TRIM7: variants seen among roughly 807,000 people sequenced by gnomAD.
TRIM7 encodes tripartite motif containing 7.
TRIM7 carries 32 observed loss-of-function variants against 37.9 expected under a neutral mutation model. That is an observed-to-expected ratio of 0.84 (90% CI 0.64 to 1.13). The LOEUF (loss-of-function observed/expected upper bound fraction) is 1.13, where lower values mean the gene tolerates loss of function less well. TRIM7 is among the 50% of genes most tolerant of loss of function. TRIM7 has a pLI of 0.00. For missense variants in TRIM7, 732 were observed against 714.0 expected, an observed-to-expected ratio of 1.03 and a Z score of -0.29; for synonymous variants, 351 against 321.3, an observed-to-expected ratio of 1.09 and a Z score of -0.99.
In TRIM7 at chr5:181,204,812, G is replaced by T. The variant is rs1161183374; in HGVS notation, c.299C>A (p.Ala100Asp). The T allele has an allele frequency of 2.2e-6, 3 of 1,394,276 alleles. No individual in the cohort carries two copies. Among genetic ancestry groups the T allele is most frequent in the Non-Finnish European group, 2.8e-6 (3 of 1,081,202 alleles). The allele number at this position is 1,394,276 out of a possible 1,614,324, so 86.4% of individuals were successfully genotyped here. Reference protein sequence around the residue: ...LRPNRQLAAVATLLRRFSLPA... With the variant: ...LRPNRQLAAVDTLLRRFSLPA... Reference sequence around the variant, plus strand: ...CAGGCTGAAGCGCCGCAGGAGCGTGGCCACTGCCGCCAGCTGCCGGTTGGG... The same window carrying T: ...CAGGCTGAAGCGCCGCAGGAGCGTGTCCACTGCCGCCAGCTGCCGGTTGGG... Residue 100 changes from alanine to aspartate, a missense_variant, in exon 1 of 7, where the codon GCC (alanine) becomes GAC (aspartate). Coordinates refer to ENST00000274773, the MANE Select transcript of TRIM7 (RefSeq NM_203293.3).
At position 181,205,090 on chromosome 5, in the gene TRIM7, C is replaced by T. The variant is rs958799667; in HGVS notation, c.21G>A (p.Arg7=). 3.0e-6 allele frequency: 4 copies of T among 1,347,844 alleles called. No individual in the cohort carries two copies. The African/African-American group carries it at 4.6e-5, about 15-fold the overall frequency. 83.5% of individuals were successfully genotyped at this position (1,347,844 alleles called of 1,614,324 possible). The change falls in exon 1 of 7, where the codon CGG becomes CGA. Residue 7 remains arginine, a synonymous_variant. Transcript: ENST00000274773. Reference sequence around the variant, plus strand: ...CCTCGGCGCCGGTTCCGGGGCCGGTCCGCGGTCCCACAGCCGCCATGCGCG... The same window carrying T: ...CCTCGGCGCCGGTTCCGGGGCCGGTTCGCGGTCCCACAGCCGCCATGCGCG... MAAVGP[R]TGPGTGAEAL...
intron 5 of TRIM7, 70 bp downstream of exon 5, chr5:181,198,620 A>G (rs1250051725): frequency 3.8e-6 from 4 of 1,048,528 alleles, no homozygotes; most frequent in Admixed American, 3.8e-5. Flanking sequence ...ACACCCAGGG[A>G]CCCCTGAGCT....
intron 1 of TRIM7, 62 bp downstream of exon 1, chr5:181,204,527 G>T: frequency 7.7e-7 from 1 of 1,306,488 alleles, no homozygotes; most frequent in Non-Finnish European, 9.7e-7. Flanking sequence ...CCCGTGCGCG[G>T]GAGCGCGGGA....
chr5:181,203,406 A>G (rs1757626565), intron 2 of TRIM7, 139 bp downstream of exon 2: 3 of 1,512,562 alleles, frequency 2.0e-6, no homozygotes, highest in Non-Finnish European at 1.8e-6. Context: ...CACCCTATAT[A>G]ATATGGACTC....
Position 181,195,032 on chromosome 5 carries a change from G to T in TRIM7, c.*134C>A. The T allele has an allele frequency of 8.7e-7, 1 of 1,155,250 alleles. No homozygotes were observed. Among genetic ancestry groups the T allele is most frequent in the Non-Finnish European group, 1.2e-6 (1 of 824,748 alleles). 71.6% of individuals were successfully genotyped at this position (1,155,250 alleles called of 1,614,324 possible). A position where few individuals can be genotyped will look rare whatever the true frequency, so the allele number is the denominator to read the frequency against. On this transcript the variant is annotated 3_prime_UTR_variant, in exon 7 of 7. Coordinates refer to ENST00000274773, the MANE Select transcript of TRIM7 (RefSeq NM_203293.3). ...AGTCACTCTCCTGCCTCGGGGTTGTGTCTGTAGCAGGCTCTCTTGGGCAGC... is the reference window on the plus strand; with the variant it reads ...AGTCACTCTCCTGCCTCGGGGTTGTTTCTGTAGCAGGCTCTCTTGGGCAGC...
Position 181,199,127 on chromosome 5 carries a change from AAGAT to A in TRIM7, c.850-14_850-11del. The A allele has an allele frequency of 6.2e-7, 1 of 1,614,234 alleles. No homozygotes were observed. The highest frequency in any genetic ancestry group is 8.5e-7 in the Non-Finnish European group (1 of 1,180,038). Reference sequence around the variant, plus strand: ...GCGTGCTTTTGAATTCCTGGAAGGAAAGATAGAGGAAACCAAATCAGCATCAGGT... The same window carrying A: ...GCGTGCTTTTGAATTCCTGGAAGGAAAGAGGAAACCAAATCAGCATCAGGT... On this transcript the variant is annotated splice_polypyrimidine_tract_variant and intron_variant, in intron 3 of 6. Transcript: ENST00000274773.
In TRIM7 at chr5:181,205,036, G is replaced by A. The variant is rs936663929; in HGVS notation, c.75C>T (p.Gly25=). 7 of 1,435,042 alleles carry A rather than the reference G, an allele frequency of 4.9e-6. No homozygotes were observed. Among genetic ancestry groups the A allele is most frequent in the Non-Finnish European group, 4.5e-6 (5 of 1,100,944 alleles). 88.9% of individuals were successfully genotyped at this position (1,435,042 alleles called of 1,614,324 possible). ...EALALAAELQ[G]EATCSICLEL... is the part of the protein sequence containing the mutation. ...CTAGGCAGATGGAGCACGTCGCCTC[G>A]CCCTGCAGCTCTGCCGCCAGCGCTA... The change falls in exon 1 of 7, where the codon GGC becomes GGT. Residue 25 remains glycine (G), a synonymous_variant. Transcript: ENST00000274773.
Position 181,194,581 on chromosome 5 carries a change from G to T in TRIM7, c.*585C>A, listed in dbSNP as rs1296600951. 6.6e-6 allele frequency: 1 copy of T among 152,498 alleles called. No individual in the cohort carries two copies. Among genetic ancestry groups the T allele is most frequent in the Non-Finnish European group, 1.5e-5 (1 of 68,268 alleles). 9.4% of individuals were successfully genotyped at this position (152,498 alleles called of 1,614,324 possible). A position where few individuals can be genotyped will look rare whatever the true frequency, so the allele number is the denominator to read the frequency against. ...AGAGCCGTGATGCCCACTGGCTGTT[G>T]TCCCGGGCTTGTCACTCAAAGACGG... On this transcript the variant is annotated 3_prime_UTR_variant, in exon 7 of 7. Coordinates refer to ENST00000274773, the MANE Select transcript of TRIM7 (RefSeq NM_203293.3).
At position 181,200,026 on chromosome 5, in the gene TRIM7, G is replaced by A. The variant is rs1165749393; in HGVS notation, c.674C>T (p.Ala225Val). ...CCGACCCTCCTGCTCCACCAGGAAA[G>A]CCCTCAGTGCCTGGAACTCTGCCCC... Reference protein sequence around the residue: ...KVGAEFQALRAFLVEQEGRLL... With the variant: ...KVGAEFQALRVFLVEQEGRLL... Residue 225 changes from alanine (A) to valine (V), a missense_variant, in exon 3 of 7, where the codon GCT becomes GTT. Physicochemically the swap from Ala to Val is moderately conservative, Grantham distance 64. Coordinates refer to ENST00000274773, the MANE Select transcript of TRIM7 (RefSeq NM_203293.3). 1 of 1,614,136 alleles carries A rather than the reference G, an allele frequency of 6.2e-7. No homozygotes were observed. Among genetic ancestry groups the A allele is most frequent in the African/African-American group, 1.3e-5 (1 of 74,938 alleles).
At chr5:181,200,195 GGA>G in intron 2 of TRIM7, 114 bp from the exon 3 acceptor site, 1 of 1,590,924 alleles carries the variant, frequency 6.3e-7, no homozygotes, top group Non-Finnish European at 8.6e-7. Context: ...CTGGAGGATC[GGA>G]GACACACCCA....
At position 181,204,901 on chromosome 5, in the gene TRIM7, G is replaced by C. The variant is rs1561653383; in HGVS notation, c.210C>G (p.Arg70=). The C allele has an allele frequency of 7.3e-7, 1 of 1,370,544 alleles. No homozygotes were observed. Among genetic ancestry groups the C allele is most frequent in the South Asian group, 1.7e-5 (1 of 58,740 alleles). 84.9% of individuals were successfully genotyped at this position (1,370,544 alleles called of 1,614,324 possible). Residue 70 remains arginine (R), a synonymous_variant, in exon 1 of 7, where the codon CGC becomes CGG. Coordinates refer to ENST00000274773, the MANE Select transcript of TRIM7 (RefSeq NM_203293.3). ...GACAGGGCAGTGGGAAGGGGGGCGC[G>C]CGGGTGGCGGCCCCAACAGACCCCG... is the stretch of plus-strand genomic sequence containing the variant. ...PGAGSVGAAT[R]APPFPLPCPQ...
At position 181,204,770 on chromosome 5, in the gene TRIM7, C is replaced by G. The variant is rs548719872; in HGVS notation, c.341G>C (p.Gly114Ala). The change falls in exon 1 of 7, where the codon GGA (glycine) becomes GCA (alanine). Residue 114 changes from glycine (G) to alanine (A), a missense_variant. Gly to Ala is a moderately conservative substitution (Grantham distance 60). Coordinates refer to ENST00000274773, the MANE Select transcript of TRIM7 (RefSeq NM_203293.3). ...CGCGGCCGCCTGAGACCCGTGCTCTCCCGGGGCAGCCGCGGGCAGGCTGAA... is the reference window on the plus strand; with the variant it reads ...CGCGGCCGCCTGAGACCCGTGCTCTGCCGGGGCAGCCGCGGGCAGGCTGAA... ...RRFSLPAAAPGEHGSQAAAAR... is the reference protein window; with the variant it reads ...RRFSLPAAAPAEHGSQAAAAR... 1.9e-5 allele frequency: 28 copies of G among 1,439,170 alleles called. No homozygotes were observed. The highest frequency in any genetic ancestry group is 5.0e-4 in the Middle Eastern group (2 of 4,004). The allele number at this position is 1,439,170 out of a possible 1,614,324, so 89.2% of individuals were successfully genotyped here. A position where few individuals can be genotyped will look rare whatever the true frequency, so the allele number is the denominator to read the frequency against.
chr5:181,200,141 T>G, intron 2 of TRIM7, 60 bp from the exon 3 acceptor site: 1 of 1,613,806 alleles, frequency 6.2e-7, no homozygotes, highest in Non-Finnish European at 8.5e-7. Flanking sequence ...ATTTGGCCAG[T>G]GGCCTGAGTC....
At chr5:181,199,457 T>G (rs1390341769) in intron 3 of TRIM7, 2 of 492,964 alleles carry the variant, frequency 4.1e-6, no homozygotes, top group Non-Finnish European at 7.3e-6. Flanking sequence ...ACAGCCCTTA[T>G]GCACCTACTG....
Position 181,204,635 on chromosome 5 carries a change from C to T in TRIM7, c.476G>A (p.Arg159His), listed in dbSNP as rs1284686293. Residue 159 changes from arginine to histidine, a missense_variant, in exon 1 of 7, where the codon CGC (arginine) becomes CAC (histidine). Transcript: ENST00000274773. ...CVVCDRAREHREHAVLPLDEA... is the reference protein window; with the variant it reads ...CVVCDRAREHHEHAVLPLDEA... Reference sequence around the variant, plus strand: ...GTCCAGCGGCAGCACGGCGTGCTCGCGGTGCTCGCGGGCGCGGTCGCACAC... The same window carrying T: ...GTCCAGCGGCAGCACGGCGTGCTCGTGGTGCTCGCGGGCGCGGTCGCACAC... 1 of 1,481,998 alleles carries T rather than the reference C, an allele frequency of 6.7e-7. No homozygotes were observed. 91.8% of individuals were successfully genotyped at this position (1,481,998 alleles called of 1,614,324 possible).
intron 1 of TRIM7, 196 bp downstream of exon 1, chr5:181,204,393 A>C: frequency 2.2e-5 from 25 of 1,159,046 alleles, no homozygotes; most frequent in East Asian, 3.4e-5. Flanking sequence ...GGGTGGGGGT[A>C]TTGGTGATGT....
intron 2 of TRIM7, chr5:181,200,353 A>C: frequency 7.1e-7 from 1 of 1,415,886 alleles, no homozygotes; most frequent in Non-Finnish European, 9.2e-7. Context: ...AGGCAGCTTC[A>C]TACTCCCCCC....
chr5:181,195,703 TC>T, intron 6 of TRIM7, 26 bp from the exon 7 acceptor site: 1 of 1,507,032 alleles, frequency 6.6e-7, no homozygotes, highest in Non-Finnish European at 8.9e-7. Flanking sequence ...GGGAGAAATG[TC>T]CCCACGCAGC....
Position 181,205,158 on chromosome 5 carries a change from G to A in TRIM7, c.-48C>T. The stretch of plus-strand genomic sequence containing the variant: ...TCTGGTCGCGCCTGGGCGGCCACTG[G>A]ACCTCACAGGACGCGGAGCTGGGCG... On this transcript the variant is annotated 5_prime_UTR_variant, in exon 1 of 7. Coordinates refer to ENST00000274773, the MANE Select transcript of TRIM7 (RefSeq NM_203293.3). 7.8e-7 allele frequency: 1 copy of A among 1,274,218 alleles called. No individual in the cohort carries two copies. Among genetic ancestry groups the A allele is most frequent in the Non-Finnish European group, 9.9e-7 (1 of 1,009,640 alleles). 78.9% of individuals were successfully genotyped at this position (1,274,218 alleles called of 1,614,324 possible). A position where few individuals can be genotyped will look rare whatever the true frequency, so the allele number is the denominator to read the frequency against.
Sources: gnomAD v4.1 joint callset for allele counts on GRCh38, gnomAD v4.1.1 for gene constraint, MANE v1.5 for transcripts, NCBI Gene and HGNC (gene_info 2026-07-23, HGNC 2026-07-21) for gene names.